Variants in STARD13 observed in about 807,000 individuals in gnomAD.
STARD13 encodes the protein StAR related lipid transfer domain containing 13, also known as stAR-related lipid transfer protein 13.
In STARD13, 62 loss-of-function variants were observed where a neutral mutation model predicts 106.4. The observed-to-expected ratio is 0.58, with a 90% confidence interval of 0.48 to 0.72. STARD13 has a LOEUF of 0.72. Ranked by LOEUF, STARD13 falls within the 30% of genes least tolerant of loss-of-function variation. STARD13 has a pLI of 0.00. For synonymous variants in STARD13, 565 were observed against 553.0 expected, an observed-to-expected ratio of 1.02 and a Z score of -0.31; for missense variants, 1,387 against 1,424.0, an observed-to-expected ratio of 0.97 and a Z score of 0.42.
chr13:33,223,340 G>T (rs1888453874), intron 1 of STARD13, among the ~76,000 whole-genome samples: 1 of 152,146 alleles, frequency 6.6e-6, no homozygotes, highest in South Asian at 2.1e-4. Flanking sequence ...AGACACTTCT[G>T]GTTGTATAGG....
chr13:33,607,332 C>G, the STARD13 span, among the ~76,000 whole-genome samples: 1 of 149,086 alleles, frequency 6.7e-6, no homozygotes, highest in Admixed American at 6.7e-5. Flanking sequence ...GAACCTCGCT[C>G]TATCACCCAG....
upstream of STARD13, among the ~76,000 whole-genome samples, chr13:33,351,765 A>G (rs901431433): frequency 2.6e-5 from 4 of 152,360 alleles, no homozygotes; most frequent in African/African-American, 7.2e-5. Flanking sequence ...TTAATCAGAT[A>G]TTCATTTTAA....
intron 1 of STARD13, among the ~76,000 whole-genome samples, chr13:33,281,818 G>A (rs958588353): frequency 3.3e-5 from 5 of 152,110 alleles, no homozygotes; most frequent in Admixed American, 6.6e-5. Flanking sequence ...GCCAAAGGCC[G>A]AGAGGAGGAG....
intron 1 of STARD13, chr13:33,277,301 A>G (rs764209006): frequency 2.0e-5 from 3 of 152,168 alleles, no homozygotes; most frequent in African/African-American, 7.2e-5. Flanking sequence ...CTTTGCCAGC[A>G]GGAGGAAAAA....
At chr13:33,391,668 A>G in the STARD13 span, among the ~76,000 whole-genome samples, 4 of 152,116 alleles carry the variant, frequency 2.6e-5, no homozygotes, top group Admixed American at 1.3e-4. Flanking sequence ...AGCTCAGGAA[A>G]TCAGCCGGGG....
the STARD13 span, among the ~76,000 whole-genome samples, chr13:33,560,044 G>T: frequency 6.6e-6 from 1 of 151,510 alleles, no homozygotes; most frequent in Non-Finnish European, 1.5e-5. Flanking sequence ...GTGGTATTTT[G>T]TAGTATAGCA....
chr13:33,645,023 T>C, the STARD13 span, among the ~76,000 whole-genome samples: 3 of 152,148 alleles, frequency 2.0e-5, no homozygotes, highest in Admixed American at 2.0e-4. Flanking sequence ...TTCTTTGTGG[T>C]AGATTGCTTC....
the STARD13 span, among the ~76,000 whole-genome samples, chr13:33,499,654 T>TCTTCTC: frequency 1.4e-5 from 2 of 144,160 alleles, no homozygotes; most frequent in Non-Finnish European, 3.0e-5. Context: ...TTCTCCTTCT[T>TCTTCTC]CTTCTTCTTC....
exon 2 of STARD13, chr13:33,348,908 G>T: frequency 1.9e-6 from 1 of 521,096 alleles, no homozygotes; most frequent in Non-Finnish European, 3.5e-6. Context: ...TTGAGTGTTG[G>T]AATCATCCAT....
intron 1 of STARD13, among the ~76,000 whole-genome samples, chr13:33,200,636 C>A (rs189775245): frequency 6.6e-6 from 1 of 152,312 alleles, no homozygotes; most frequent in East Asian, 1.9e-4. Context: ...CACTCCTTCA[C>A]CTTTTAAACA....
the STARD13 span, among the ~76,000 whole-genome samples, chr13:33,602,611 T>C: frequency 6.6e-6 from 1 of 152,094 alleles, no homozygotes; most frequent in Non-Finnish European, 1.5e-5. Flanking sequence ...GACCCAATAG[T>C]CCCATAGACC....
At chr13:33,582,021 C>A in the STARD13 span, among the ~76,000 whole-genome samples, 1 of 152,028 alleles carries the variant, frequency 6.6e-6, no homozygotes, top group African/African-American at 2.4e-5. Context: ...GAGATTGGGA[C>A]CATCCTGGCT....
At chr13:33,441,590 A>G in the STARD13 span, among the ~76,000 whole-genome samples, 1 of 152,346 alleles carries the variant, frequency 6.6e-6, no homozygotes, top group Non-Finnish European at 1.5e-5. Flanking sequence ...GAAAAGGTAT[A>G]CAGTAAATAT....
intron 1 of STARD13, among the ~76,000 whole-genome samples, chr13:33,247,217 A>C (rs540381763): frequency 7.0e-6 from 1 of 142,982 alleles, no homozygotes; most frequent in East Asian, 2.0e-4. Context: ...ATAAATAAAT[A>C]AATTAAATAA....
intron 8 of STARD13, among the ~76,000 whole-genome samples, chr13:33,116,116 A>G (rs531864823): frequency 7.9e-5 from 12 of 152,268 alleles, no homozygotes; most frequent in Non-Finnish European, 1.3e-4. Context: ...CTAATATTCA[A>G]TGTCCTTCCT....
chr13:33,189,759 C>T (rs1333832198), intron 1 of STARD13, among the ~76,000 whole-genome samples: 1 of 151,850 alleles, frequency 6.6e-6, no homozygotes, highest in African/African-American at 2.4e-5. Context: ...GTTACTCTCT[C>T]ATGTACAAAA....
chr13:33,241,427 A>C (rs1164379865), intron 1 of STARD13, among the ~76,000 whole-genome samples: 1 of 152,224 alleles, frequency 6.6e-6, no homozygotes, highest in East Asian at 1.9e-4. Flanking sequence ...ATGTTAAACT[A>C]CAACAAAAGC....
At chr13:33,209,137 C>T (rs991431066) in intron 1 of STARD13, among the ~76,000 whole-genome samples, 5 of 152,086 alleles carry the variant, frequency 3.3e-5, no homozygotes, top group Non-Finnish European at 2.9e-5. Flanking sequence ...GGGTGGGGAC[C>T]TCAGGACTTG....
At chr13:33,378,749 C>T in the STARD13 span, among the ~76,000 whole-genome samples, 4 of 149,732 alleles carry the variant, frequency 2.7e-5, no homozygotes, top group African/African-American at 9.9e-5. Flanking sequence ...GAGATGGCAC[C>T]ACTGCACTCT....
Sources: allele counts gnomAD v4.1 joint callset (sites outside exome capture counted in the v4.1 genomes callset), GRCh38; gene constraint gnomAD v4.1.1; transcripts MANE v1.5; gene names NCBI Gene and HGNC (gene_info 2026-07-23, HGNC 2026-07-21).